GLRA3: variants seen among roughly 807,000 people sequenced by gnomAD.
GLRA3 encodes the protein glycine receptor subunit alpha-3.
A neutral mutation model predicts 60.4 loss-of-function variants in GLRA3; 44 were observed. The ratio of observed to expected loss-of-function variants is 0.73; its 90% CI spans 0.57 to 0.94. The LOEUF is 0.94. Among genes scored for constraint, GLRA3 ranks in the 40% least tolerant of loss-of-function variants. GLRA3 has a pLI of 0.00. For missense variants in GLRA3, 508 were observed against 564.6 expected (o/e 0.90, Z 1.02); for synonymous variants, 223 against 192.9 (o/e 1.16, Z -1.29).
intron 2 of GLRA3, among the ~76,000 whole-genome samples, chr4:174,784,124 G>T (rs1470639749): frequency 7.1e-6 from 1 of 141,504 alleles, no homozygotes; most frequent in African/African-American, 2.6e-5. Context: ...ATACACCATG[G>T]AATACTATGC....
intron 4 of GLRA3, 24 bp from the exon 5 acceptor site, chr4:174,715,594 TA>T (rs1735887751): frequency 9.1e-7 from 1 of 1,103,814 alleles, no homozygotes; most frequent in Non-Finnish European, 1.4e-6. Context: ...TAATTATTTT[TA>T]AAGGAAATTT....
intron 3 of GLRA3, among the ~76,000 whole-genome samples, chr4:174,743,929 TG>T (rs979394791): frequency 1.3e-5 from 2 of 152,084 alleles, no homozygotes; most frequent in Non-Finnish European, 2.9e-5. Context: ...CATACACCAC[TG>T]CAGCTGCAGC....
At chr4:174,679,053 C>T (rs1418875947) in intron 6 of GLRA3, among the ~76,000 whole-genome samples, 1 of 151,974 alleles carries the variant, frequency 6.6e-6, no homozygotes, top group Non-Finnish European at 1.5e-5. Flanking sequence ...CAGAAAAATG[C>T]AAATCAAAAC....
At chr4:174,797,626 T>C (rs1230569580) in intron 1 of GLRA3, among the ~76,000 whole-genome samples, 1 of 152,000 alleles carries the variant, frequency 6.6e-6, no homozygotes, top group Non-Finnish European at 1.5e-5. Flanking sequence ...AATCTAACAA[T>C]AATATCCAAT....
At chr4:174,700,704 C>T (rs1413696832) in intron 5 of GLRA3, among the ~76,000 whole-genome samples, 3 of 152,190 alleles carry the variant, frequency 2.0e-5, no homozygotes, top group African/African-American at 4.8e-5. Context: ...ATTAACAGTG[C>T]TACTGCACTG....
In GLRA3 at chr4:174,637,473, A is replaced by C. The variant is rs1274216721; in HGVS notation, c.*6313T>G. 3 of 152,214 alleles carry C rather than the reference A, an allele frequency of 2.0e-5. No homozygotes were observed. Among genetic ancestry groups the C allele is most frequent in the Non-Finnish European group, 4.4e-5 (3 of 68,036 alleles). The allele number at this position is 152,214 out of a possible 1,614,324, so 9.4% of individuals were successfully genotyped here. On this transcript the variant is annotated 3_prime_UTR_variant, in exon 10 of 10. Coordinates refer to ENST00000274093, the MANE Select transcript of GLRA3 (RefSeq NM_006529.4). ...ATAGAGAAAAAAGTGAAGAAGTGCA[A>C]AATTATTCAAGCATATTCAAGTACA...
intron 2 of GLRA3, among the ~76,000 whole-genome samples, chr4:174,774,441 GAT>G (rs1465233882): frequency 6.8e-6 from 1 of 146,006 alleles, no homozygotes; most frequent in Non-Finnish European, 1.5e-5. Flanking sequence ...GGTATATATA[GAT>G]ATATCCTGGC....
chr4:174,757,662 A>G lies in GLRA3; in HGVS notation c.267+9301T>C, dbSNP rs76631928. Among the ~76,000 whole-genome samples the G allele has an allele frequency of 1.6e-3, 241 of 152,364 alleles. 6 individuals are homozygous for G. In the East Asian group the frequency reaches 0.031, roughly 20 times the overall value. ...CAAGAGTCTATATTGATATGAATAA[A>G]TTATTGTATAAATAAAAAATGGGAA... On this transcript the variant is annotated intron_variant, in intron 3 of 9. Transcript: ENST00000274093.
At chr4:174,815,480 G>A (rs1256962606) in intron 1 of GLRA3, among the ~76,000 whole-genome samples, 1 of 152,216 alleles carries the variant, frequency 6.6e-6, no homozygotes, top group African/African-American at 2.4e-5. Flanking sequence ...TGCCCTAGCA[G>A]AAGTTCCCCA....
intron 1 of GLRA3, among the ~76,000 whole-genome samples, chr4:174,789,414 T>C (rs1156727169): frequency 2.6e-5 from 4 of 152,222 alleles, no homozygotes; most frequent in Admixed American, 2.0e-4. Flanking sequence ...AATTAAACAA[T>C]GTTTTTTTCT....
intron 1 of GLRA3, among the ~76,000 whole-genome samples, chr4:174,809,580 A>G (rs551748743): frequency 1.3e-5 from 2 of 152,222 alleles, no homozygotes; most frequent in African/African-American, 4.8e-5. Context: ...TAAAAATACA[A>G]AAATGAGCCA....
At chr4:174,796,582 G>C (rs1371613756) in intron 1 of GLRA3, among the ~76,000 whole-genome samples, 4 of 151,530 alleles carry the variant, frequency 2.6e-5, no homozygotes, top group Non-Finnish European at 4.4e-5. Context: ...CTGTCACCAG[G>C]CTGGAGTGCA....
chr4:174,815,816 G>A (rs528596886), intron 1 of GLRA3, among the ~76,000 whole-genome samples: 2 of 152,290 alleles, frequency 1.3e-5, no homozygotes, highest in Non-Finnish European at 2.9e-5. Context: ...GGGAGGGTCT[G>A]CCACAAAGTT....
In GLRA3 at chr4:174,637,563, G is replaced by A; in HGVS notation, c.*6223C>T. Reference sequence around the variant, plus strand: ...CTCCCTAGTATTAACCACCCAGGCTGGATACTGTGTATGTGAGCGGGGTTG... The same window carrying A: ...CTCCCTAGTATTAACCACCCAGGCTAGATACTGTGTATGTGAGCGGGGTTG... On this transcript the variant is annotated 3_prime_UTR_variant, in exon 10 of 10. Transcript: ENST00000274093. 6.6e-6 allele frequency: 1 copy of A among 152,284 alleles called. No individual in the cohort carries two copies. The highest frequency in any genetic ancestry group is 2.4e-5 in the African/African-American group (1 of 41,576). 9.4% of individuals were successfully genotyped at this position (152,284 alleles called of 1,614,324 possible).
At position 174,717,498 on chromosome 4, in the gene GLRA3, A is replaced by C. The variant is rs74783565; in HGVS notation, c.492-1928T>G. On this transcript the variant is annotated intron_variant, in intron 4 of 9. Transcript: ENST00000274093. ...ATTTTTATGTAGACCATAGACATAA[A>C]GTTAGAATGATGTATAGTCTACAGA... Among the ~76,000 whole-genome samples the C allele has an allele frequency of 2.7e-3, 405 of 152,370 alleles. 1 individual carries two copies. The highest frequency in any genetic ancestry group is 9.3e-3 in the African/African-American group (388 of 41,592).
chr4:174,684,884 C>T (rs1561053789), intron 5 of GLRA3, among the ~76,000 whole-genome samples: 2 of 152,098 alleles, frequency 1.3e-5, no homozygotes, highest in East Asian at 3.9e-4. Flanking sequence ...TGGTGGGCAC[C>T]TCTAATCCCA....
At chr4:174,741,539 T>C (rs6857167) in intron 3 of GLRA3, among the ~76,000 whole-genome samples, 30,088 of 151,946 alleles carry the variant, frequency 0.2, 4,390 homozygotes, top group African/African-American at 0.41. Flanking sequence ...AGCTTTTTTT[T>C]CCTTCTATTA....
intron 3 of GLRA3, 24 bp from the exon 4 acceptor site, chr4:174,728,722 GAAAA>G: frequency 1.6e-6 from 2 of 1,218,282 alleles, no homozygotes; most frequent in East Asian, 2.7e-5. Context: ...ATGAAAGAAA[GAAAA>G]AAAAAAACCC....
At chr4:174,724,623 T>A (rs1022709181) in intron 4 of GLRA3, among the ~76,000 whole-genome samples, 1 of 152,216 alleles carries the variant, frequency 6.6e-6, no homozygotes, top group Non-Finnish European at 1.5e-5. Context: ...GTGTCCTTTT[T>A]TCCTTCTTGA....
Sources: gnomAD v4.1 joint callset for allele counts (sites outside exome capture counted in the v4.1 genomes callset) on GRCh38, gnomAD v4.1.1 for gene constraint, MANE v1.5 for transcripts, NCBI Gene and HGNC (gene_info 2026-07-23, HGNC 2026-07-21) for gene names.